The following AKAP6 variants were observed in gnomAD, a reference collection of about 807,000 sequenced individuals.
AKAP6 encodes the protein A-kinase anchoring protein 6, also known as A-kinase anchor protein 6.
Under a neutral mutation model 188.5 loss-of-function variants are expected in AKAP6, and 58 were observed. The ratio of observed to expected loss-of-function variants is 0.31; its 90% CI spans 0.25 to 0.38. AKAP6 has a LOEUF of 0.38. Among genes scored for constraint, AKAP6 ranks in the 10% least tolerant of loss-of-function variants. The probability of loss-of-function intolerance (pLI) is 1.00; values close to 1 mark genes in which losing one functional copy is unlikely to be tolerated. For synonymous variants in AKAP6, 989 were observed against 998.6 expected (o/e 0.99, Z 0.18); for missense variants, 2,710 against 2,740.0 (o/e 0.99, Z 0.24).
intron 7 of AKAP6, among the ~76,000 whole-genome samples, chr14:32,665,984 A>C (rs1888918675): frequency 6.6e-6 from 1 of 152,098 alleles, no homozygotes; most frequent in African/African-American, 2.4e-5. Flanking sequence ...AATTACTAGA[A>C]TATTCTTATC....
chr14:32,451,436 T>G (rs1165083403), intron 2 of AKAP6, among the ~76,000 whole-genome samples: 1 of 152,230 alleles, frequency 6.6e-6, no homozygotes, highest in Non-Finnish European at 1.5e-5. Context: ...TACAGCTATT[T>G]ATTTCCTAGT....
intron 1 of AKAP6, among the ~76,000 whole-genome samples, chr14:32,409,380 C>G (rs998072758): frequency 6.6e-6 from 1 of 152,156 alleles, no homozygotes; most frequent in East Asian, 1.9e-4. Flanking sequence ...AATTCTTGAA[C>G]TGAAACAGAT....
chr14:32,412,869 T>A (rs1594589105), intron 1 of AKAP6, among the ~76,000 whole-genome samples: 1 of 152,178 alleles, frequency 6.6e-6, no homozygotes, highest in East Asian at 1.9e-4. Context: ...ATGCCTTTGG[T>A]TAAAGAAAAA....
chr14:32,458,103 C>A (rs1891204103), intron 2 of AKAP6, among the ~76,000 whole-genome samples: 1 of 152,106 alleles, frequency 6.6e-6, no homozygotes, highest in South Asian at 2.1e-4. Context: ...GATGGAAATT[C>A]TTTTACCACC....
At chr14:32,409,986 G>C (rs2138644140) in intron 1 of AKAP6, among the ~76,000 whole-genome samples, 1 of 152,136 alleles carries the variant, frequency 6.6e-6, no homozygotes, top group South Asian at 2.1e-4. Flanking sequence ...TGTGTAACGT[G>C]GCCTGCTTTC....
At chr14:32,338,961 A>T (rs1886803979) in intron 1 of AKAP6, among the ~76,000 whole-genome samples, 1 of 152,122 alleles carries the variant, frequency 6.6e-6, no homozygotes, top group African/African-American at 2.4e-5. Context: ...CTTTTAAGAG[A>T]AGAACTCTTT....
At chr14:32,404,686 C>T (rs1256786899) in intron 1 of AKAP6, among the ~76,000 whole-genome samples, 1 of 6,052 alleles carries the variant, frequency 1.7e-4, no homozygotes, top group South Asian at 0.017. Context: ...TATGAGGAGT[C>T]AGGAGATATA....
chr14:32,533,435 G>C (rs1019363631), intron 2 of AKAP6, among the ~76,000 whole-genome samples: 3 of 152,164 alleles, frequency 2.0e-5, no homozygotes, highest in African/African-American at 7.2e-5. Flanking sequence ...AGGACTGGGA[G>C]AATGAGCAGC....
intron 8 of AKAP6, among the ~76,000 whole-genome samples, chr14:32,691,765 G>T (rs539514814): frequency 2.0e-5 from 3 of 152,166 alleles, no homozygotes; most frequent in Admixed American, 2.0e-4. Flanking sequence ...CACCATGTTG[G>T]CCAGGCTAGT....
At chr14:32,686,863 C>CAG (rs1889948529) in intron 8 of AKAP6, among the ~76,000 whole-genome samples, 12 of 152,120 alleles carry the variant, frequency 7.9e-5, no homozygotes, top group Non-Finnish European at 5.9e-5. Context: ...CAGCTGTATG[C>CAG]CTGACTTCCT....
chr14:32,806,232 T>C (rs1331618131), intron 12 of AKAP6, among the ~76,000 whole-genome samples: 1 of 152,166 alleles, frequency 6.6e-6, no homozygotes, highest in Non-Finnish European at 1.5e-5. Flanking sequence ...AATTTTGACA[T>C]AGATGAGACA....
At chr14:32,381,086 T>C (rs1358230642) in intron 1 of AKAP6, among the ~76,000 whole-genome samples, 1 of 152,104 alleles carries the variant, frequency 6.6e-6, no homozygotes, top group East Asian at 1.9e-4. Flanking sequence ...CCTGTAATCC[T>C]AGCACTTTGT....
intron 2 of AKAP6, among the ~76,000 whole-genome samples, chr14:32,500,100 C>T (rs981779672): frequency 1.3e-5 from 2 of 152,028 alleles, no homozygotes; most frequent in Non-Finnish European, 2.9e-5. Context: ...GTACTTTATC[C>T]AGTTAGACTA....
intron 2 of AKAP6, among the ~76,000 whole-genome samples, chr14:32,501,469 A>C (rs926298419): frequency 5.9e-5 from 9 of 152,104 alleles, no homozygotes; most frequent in Admixed American, 5.9e-4. Context: ...CCTGGCACCA[A>C]AGTATATCAC....
chr14:32,678,317 G>A lies in AKAP6; in HGVS notation c.2737G>A (p.Val913Ile). The A allele has an allele frequency of 6.2e-7, 1 of 1,607,828 alleles. No homozygotes were observed. The highest frequency in any genetic ancestry group is 1.3e-5 in the African/African-American group (1 of 74,930). The change falls in exon 8 of 14, where the codon GTT (valine) becomes ATT (isoleucine). Residue 913 changes from valine (V) to isoleucine (I), a missense_variant. By Grantham distance (29) the Val-to-Ile change is conservative. Around this residue, in one of 2 missense-constraint regions of AKAP6, gnomAD observed 2,473 missense variants for 2,426.1 expected, o/e 1.02. Coordinates refer to ENST00000280979, the MANE Select transcript of AKAP6 (RefSeq NM_004274.5). ...TCTTTGTTTCTCTTTCCAGGCTGAGGTTCAACTATGCTACCTGGAAGCACA... is the reference window on the plus strand; with the variant it reads ...TCTTTGTTTCTCTTTCCAGGCTGAGATTCAACTATGCTACCTGGAAGCACA... ...EEGTGSPKAEVQLCYLEAQRD... is the reference protein window; with the variant it reads ...EEGTGSPKAEIQLCYLEAQRD...
intron 8 of AKAP6, among the ~76,000 whole-genome samples, chr14:32,683,056 T>A (rs576168012): frequency 1.9e-4 from 29 of 148,808 alleles, no homozygotes; most frequent in African/African-American, 7.2e-4. Flanking sequence ...TGCAGTGGCG[T>A]GATCTTGGCT....
chr14:32,512,108 T>C (rs1009591590), intron 2 of AKAP6, among the ~76,000 whole-genome samples: 1 of 152,200 alleles, frequency 6.6e-6, no homozygotes, highest in Admixed American at 6.5e-5. Flanking sequence ...TGTCTGTAGT[T>C]AAATAGTGGT....
intron 1 of AKAP6, among the ~76,000 whole-genome samples, chr14:32,431,321 A>G (rs11851693): frequency 0.014 from 2,113 of 152,192 alleles, 45 homozygotes; most frequent in African/African-American, 0.048. Context: ...TCTGCCTTAT[A>G]TTCATGGGAA....
At chr14:32,787,468 A>G (rs1335930332) in intron 12 of AKAP6, among the ~76,000 whole-genome samples, 3 of 152,200 alleles carry the variant, frequency 2.0e-5, no homozygotes, top group Non-Finnish European at 4.4e-5. Flanking sequence ...GTTATTAAAT[A>G]CATATTTATC....
Sources: allele counts gnomAD v4.1 joint callset (sites outside exome capture counted in the v4.1 genomes callset), GRCh38; gene constraint gnomAD v4.1.1; regional missense constraint gnomAD v4.1.1; transcripts MANE v1.5; gene names NCBI Gene and HGNC (gene_info 2026-07-23, HGNC 2026-07-21).